Variants in EZR observed in about 807,000 individuals in gnomAD.
EZR encodes the protein ezrin.
EZR carries 40 observed loss-of-function variants against 74.8 expected under a neutral mutation model. The observed-to-expected ratio is 0.53, with a 90% CI of 0.42 to 0.70. EZR has a LOEUF of 0.70. Among genes scored for constraint, EZR ranks in the 30% least tolerant of loss-of-function variants. The pLI is 0.00. For missense variants in EZR, 678 were observed against 755.8 expected (o/e 0.90, Z 1.21); for synonymous variants, 341 against 283.3 (o/e 1.20, Z -2.05).
chr6:158,767,636 T>C (rs1790937626), intron 12 of EZR, 124 bp from the exon 13 acceptor site: 3 of 1,041,272 alleles, frequency 2.9e-6, no homozygotes. Flanking sequence ...TGCTGGGCTG[T>C]GGCTTCGAAG....
At chr6:158,784,914 T>A (rs1254349884) in intron 5 of EZR, among the ~76,000 whole-genome samples, 187 bp from the exon 6 acceptor site, 2 of 152,220 alleles carry the variant, frequency 1.3e-5, no homozygotes, top group Admixed American at 6.5e-5. Flanking sequence ...AGACTTAGCA[T>A]TTTGAACAAG....
At chr6:158,785,106 C>T (rs1386430166) in intron 5 of EZR, among the ~76,000 whole-genome samples, 3 of 152,214 alleles carry the variant, frequency 2.0e-5, no homozygotes, top group African/African-American at 4.8e-5. Context: ...GACACGGCCA[C>T]GCTTTAGTTT....
Position 158,773,191 on chromosome 6 carries a change from G to T in EZR, c.796-1784C>A, listed in dbSNP as rs1308871771. Among the ~76,000 whole-genome samples, 23 of 152,270 alleles carry T rather than the reference G, an allele frequency of 1.5e-4. No homozygotes were observed. The South Asian group carries it at 1.7e-3, about 11-fold the overall frequency. ...CAACTCCCCTTTATGGGGTTGTGGG[G>T]GTGCATGGGTGGGGGGATCAATGAA... is the stretch of plus-strand genomic sequence containing the variant. On this transcript the variant is annotated intron_variant, in intron 8 of 13. Transcript: ENST00000367075.
At chr6:158,812,351 C>T (rs1034492805) in intron 2 of EZR, among the ~76,000 whole-genome samples, 98 of 152,154 alleles carry the variant, frequency 6.4e-4, no homozygotes, top group African/African-American at 2.3e-3. Context: ...AATAACTGCC[C>T]TTTTCCTATT....
intron 6 of EZR, 39 bp downstream of exon 6, chr6:158,784,605 G>A (rs370075029): frequency 1.5e-4 from 228 of 1,567,842 alleles, no homozygotes; most frequent in Admixed American, 3.5e-4. Flanking sequence ...TGGAGCGCAC[G>A]GAGATGGCAA....
At position 158,770,852 on chromosome 6, in the gene EZR, C is replaced by G. The variant is rs1791084283; in HGVS notation, c.1002G>C (p.Glu334Asp). 1 of 1,614,120 alleles carries G rather than the reference C, an allele frequency of 6.2e-7. No homozygotes were observed. Reference protein sequence around the residue: ...ETEKKRRETVEREKEQMMREK... With the variant: ...ETEKKRRETVDREKEQMMREK... ...CGCGCATCATCTGCTCTTTCTCTCT[C>G]TCCACGGTTTCTCTCCTTTTCTTCT... Residue 334 changes from glutamate to aspartate, a missense_variant, in exon 10 of 14, where the codon GAG becomes GAC. Physicochemically the swap from Glu to Asp is conservative, Grantham distance 45. Transcript: ENST00000367075.
intron 7 of EZR, among the ~76,000 whole-genome samples, chr6:158,780,986 T>C (rs567184580): frequency 1.3e-5 from 2 of 152,246 alleles, no homozygotes; most frequent in Non-Finnish European, 2.9e-5. Flanking sequence ...AGCCAGACCC[T>C]ATTTAATACT....
intron 2 of EZR, among the ~76,000 whole-genome samples, chr6:158,816,366 T>C (rs993306845): frequency 2.0e-5 from 3 of 152,194 alleles, no homozygotes; most frequent in African/African-American, 7.2e-5. Context: ...TAAATTACCA[T>C]TCATTATGAG....
At chr6:158,806,871 T>A (rs1440207663) in intron 2 of EZR, among the ~76,000 whole-genome samples, 1 of 152,192 alleles carries the variant, frequency 6.6e-6, no homozygotes, top group African/African-American at 2.4e-5. Context: ...GCCAACACCC[T>A]TAATTATTTA....
intron 7 of EZR, among the ~76,000 whole-genome samples, chr6:158,780,396 C>A (rs1001664708): frequency 6.6e-6 from 1 of 152,160 alleles, no homozygotes; most frequent in African/African-American, 2.4e-5. Context: ...TATGCACTTT[C>A]ATTTTGAGGA....
chr6:158,766,863 C>G lies in EZR; in HGVS notation c.*51G>C, dbSNP rs762025818. The G allele has an allele frequency of 1.3e-6, 2 of 1,552,654 alleles. No individual in the cohort carries two copies. The highest frequency in any genetic ancestry group is 8.8e-7 in the Non-Finnish European group (1 of 1,134,292). On this transcript the variant is annotated 3_prime_UTR_variant, in exon 14 of 14. Transcript: ENST00000367075. ...CACTAAAGACACAAGCGTGGCGGGG[C>G]TGGCAGCGCCCGCTATGAGCACCCC... is the stretch of plus-strand genomic sequence containing the variant.
At chr6:158,776,818 T>TCCC (rs529300451) in intron 7 of EZR, among the ~76,000 whole-genome samples, 1 of 152,142 alleles carries the variant, frequency 6.6e-6, no homozygotes, top group East Asian at 1.9e-4. Context: ...ACCTTGACCC[T>TCCC]CCCCCTCAGG....
In EZR at chr6:158,786,982, G is replaced by A. The variant is rs932709169; in HGVS notation, c.192+126C>T. ...CTGGAAACCTGCAACCTTTTTGTCT[G>A]TAAAAACTTTTACACAAACAAAAAG... On this transcript the variant is annotated intron_variant, in intron 4 of 13. Coordinates refer to ENST00000367075, the MANE Select transcript of EZR (RefSeq NM_001111077.2). The A allele has an allele frequency of 1.9e-5, 14 of 718,056 alleles. No individual in the cohort carries two copies. The African/African-American group carries it at 2.3e-4, about 12-fold the overall frequency. The allele number at this position is 718,056 out of a possible 1,614,324, so 44.5% of individuals were successfully genotyped here.
chr6:158,809,820 G>GA lies in EZR; in HGVS notation c.12+8261dup, dbSNP rs552375403. Among the ~76,000 whole-genome samples the GA allele has an allele frequency of 1.4e-4, 22 of 152,282 alleles. No individual in the cohort carries two copies. The East Asian group carries it at 3.7e-3, about 25-fold the overall frequency. On this transcript the variant is annotated intron_variant, in intron 2 of 13. Transcript: ENST00000367075. ...TTTTAGGCTTTGAGGGTCTTACTTG[G>GA]AGTCCGTTGCATATTGTTGTTTTTA...
chr6:158,794,185 G>A (rs562964466), intron 2 of EZR, among the ~76,000 whole-genome samples: 4 of 152,314 alleles, frequency 2.6e-5, no homozygotes, highest in African/African-American at 9.6e-5. Context: ...GGAGGCTGAG[G>A]CAGGAGAATT....
At chr6:158,802,680 T>C (rs577770929) in intron 2 of EZR, among the ~76,000 whole-genome samples, 85 of 152,252 alleles carry the variant, frequency 5.6e-4, no homozygotes, top group Non-Finnish European at 7.5e-4. Flanking sequence ...TATAGGCATG[T>C]GCCACCACGC....
At chr6:158,772,288 CACAG>C (rs1253326328) in intron 8 of EZR, among the ~76,000 whole-genome samples, 2 of 152,264 alleles carry the variant, frequency 1.3e-5, no homozygotes, top group Admixed American at 6.5e-5. Context: ...GCTCGTGCAG[CACAG>C]ACAGCCACGT....
intron 2 of EZR, among the ~76,000 whole-genome samples, chr6:158,807,138 C>A (rs1777357232): frequency 6.6e-6 from 1 of 151,888 alleles, no homozygotes; most frequent in Non-Finnish European, 1.5e-5. Flanking sequence ...TGGTGAAACC[C>A]CGTCTCTACT....
chr6:158,778,441 T>C (rs1042923743), intron 7 of EZR, among the ~76,000 whole-genome samples: 18 of 152,258 alleles, frequency 1.2e-4, no homozygotes, highest in Admixed American at 5.9e-4. Context: ...ATGAAAATTA[T>C]GACTCACTTT....
Sources: allele counts gnomAD v4.1 joint callset (sites outside exome capture counted in the v4.1 genomes callset), GRCh38; gene constraint gnomAD v4.1.1; transcripts MANE v1.5; gene names NCBI Gene and HGNC (gene_info 2026-07-23, HGNC 2026-07-21).